The following CFTR variants were observed in gnomAD, a reference collection of about 807,000 sequenced individuals.
CFTR encodes the protein cystic fibrosis transmembrane conductance regulator.
CFTR carries 181 observed loss-of-function variants against 171.6 expected under a neutral mutation model. The observed-to-expected ratio is 1.05, with a 90% CI of 0.93 to 1.19. The LOEUF is 1.19. Ranked by LOEUF, CFTR falls within the 50% of genes most tolerant of loss-of-function variation. The pLI is 0.00. For missense variants in CFTR, 1,968 were observed against 1,734.7 expected (o/e 1.13, Z -2.39); for synonymous variants, 583 against 608.0 (o/e 0.96, Z 0.60).
intron 10 of CFTR, among the ~76,000 whole-genome samples, chr7:117,549,776 A>T (rs1175973181): frequency 6.6e-6 from 1 of 152,164 alleles, no homozygotes; most frequent in African/African-American, 2.4e-5. Context: ...CGAATAATCT[A>T]AGACAAACAG....
At chr7:117,608,256 G>A (rs1792331983) in intron 18 of CFTR, among the ~76,000 whole-genome samples, 1 of 151,958 alleles carries the variant, frequency 6.6e-6, no homozygotes, top group Non-Finnish European at 1.5e-5. Context: ...CCAGGCTGGA[G>A]TGCAGTGATG....
At chr7:117,603,426 C>A in intron 16 of CFTR, 106 bp from the exon 17 acceptor site, 1 of 1,303,592 alleles carries the variant, frequency 7.7e-7, no homozygotes, top group Non-Finnish European at 1.1e-6. Context: ...TCTTCTAATG[C>A]AAAATATTGT....
intron 9 of CFTR, among the ~76,000 whole-genome samples, chr7:117,547,679 T>C (rs1380956027): frequency 6.6e-6 from 1 of 152,178 alleles, no homozygotes; most frequent in Non-Finnish European, 1.5e-5. Context: ...TTTGCTTTTA[T>C]GGGAGCCTCT....
At position 117,509,204 on chromosome 7, in the gene CFTR, G is replaced by T. The variant is rs943583372; in HGVS notation, c.273+62G>T. The T allele has an allele frequency of 1.6e-5, 17 of 1,040,808 alleles. No individual in the cohort carries two copies. The South Asian group carries it at 2.0e-4, about 12-fold the overall frequency. 64.5% of individuals were successfully genotyped at this position (1,040,808 alleles called of 1,614,324 possible). A position where few individuals can be genotyped will look rare whatever the true frequency, so the allele number is the denominator to read the frequency against. ...TAACTATATTCATTTTTGTGATTAT[G>T]AAAAGACTACGAAATCTGGTGAATA... On this transcript the variant is annotated intron_variant, in intron 3 of 26. Transcript: ENST00000003084.
At position 117,627,617 on chromosome 7, in the gene CFTR, G is replaced by A. The variant is rs146804928; in HGVS notation, c.3564G>A (p.Ser1188=). 4.3e-5 allele frequency: 70 copies of A among 1,613,414 alleles called. 1 individual carries two copies. Among genetic ancestry groups the A allele is most frequent in the East Asian group, 3.8e-4 (17 of 44,818 alleles). The change falls in exon 22 of 27, where the codon TCG becomes TCA. Residue 1188 remains serine, a synonymous_variant. Coordinates refer to ENST00000003084, the MANE Select transcript of CFTR (RefSeq NM_000492.4). The part of the protein sequence containing the change: ...STKPYKNGQL[S]KVMIIENSHV... The stretch of plus-strand genomic sequence containing the variant: ...AACCATACAAGAATGGCCAACTCTC[G>A]AAAGTTATGATTATTGAGAATTCAC...
rs190803600 is a variant in CFTR, at chr7:117,517,245, C to T, written c.273+8103C>T. Among the ~76,000 whole-genome samples the T allele has an allele frequency of 1.3e-3, 194 of 150,828 alleles. 1 individual carries two copies. The Middle Eastern group carries it at 0.014, about 11-fold the overall frequency. ...CTCACAGGCCCCTGTGTGTGATGTTCCCCTCCCTGTGTCCATGTGTTCTCA... is the reference window on the plus strand; with the variant it reads ...CTCACAGGCCCCTGTGTGTGATGTTTCCCTCCCTGTGTCCATGTGTTCTCA... On this transcript the variant is annotated intron_variant, in intron 3 of 26. Coordinates refer to ENST00000003084, the MANE Select transcript of CFTR (RefSeq NM_000492.4).
intron 23 of CFTR, chr7:117,647,362 C>T (rs1562924580): frequency 6.6e-6 from 1 of 152,118 alleles, no homozygotes; most frequent in Non-Finnish European, 1.5e-5. Flanking sequence ...GTTCTTCAGG[C>T]TGTACGGGAA....
chr7:117,542,904 T>A (rs902416945), intron 9 of CFTR, among the ~76,000 whole-genome samples: 1 of 152,222 alleles, frequency 6.6e-6, no homozygotes, highest in African/African-American at 2.4e-5. Flanking sequence ...CTTCTCTGAT[T>A]GCAAGTTCCA....
intron 7 of CFTR, among the ~76,000 whole-genome samples, chr7:117,538,110 A>G (rs1798987712): frequency 6.6e-6 from 1 of 152,188 alleles, no homozygotes; most frequent in African/African-American, 2.4e-5. Context: ...TAACCTGTAT[A>G]ATCTGGCATG....
At chr7:117,610,813 A>T (rs989046500) in intron 19 of CFTR, 144 bp downstream of exon 19, 18 of 774,588 alleles carry the variant, frequency 2.3e-5, no homozygotes, top group Admixed American at 5.5e-5. Context: ...ATGCATGTGT[A>T]TATAAAAGGA....
Position 117,665,575 on chromosome 7 carries a change from A to C in CFTR, c.4242+11A>C. The C allele has an allele frequency of 6.6e-7, 1 of 1,520,986 alleles. No homozygotes were observed. The highest frequency in any genetic ancestry group is 9.1e-7 in the Non-Finnish European group (1 of 1,095,634). The allele number at this position is 1,520,986 out of a possible 1,614,324, so 94.2% of individuals were successfully genotyped here. A position where few individuals can be genotyped will look rare whatever the true frequency, so the allele number is the denominator to read the frequency against. The stretch of plus-strand genomic sequence containing the variant: ...TGCCAACAATTTTTGGTGAGTCTTT[A>C]TAACTTTACTTAAGATCTCATTGCC... On this transcript the variant is annotated intron_variant, in intron 26 of 26. Coordinates refer to ENST00000003084, the MANE Select transcript of CFTR (RefSeq NM_000492.4).
chr7:117,590,482 TAAAA>T, intron 13 of CFTR, 43 bp downstream of exon 13: 1 of 1,576,388 alleles, frequency 6.3e-7, no homozygotes. Context: ...CATGCTAAAA[TAAAA>T]GAAAGACAGA....
Position 117,574,570 on chromosome 7 carries a change from C to T in CFTR, c.1585-13169C>T, listed in dbSNP as rs576623162. Among the ~76,000 whole-genome samples the T allele has an allele frequency of 2.8e-3, 420 of 152,164 alleles. 3 individuals carry two copies. The highest frequency in any genetic ancestry group is 9.9e-3 in the African/African-American group (410 of 41,546). On this transcript the variant is annotated intron_variant, in intron 11 of 26. Transcript: ENST00000003084. Reference sequence around the variant, plus strand: ...TTTTAAAGGTAATCTGTATTTCTAGCGTCTATTATAGACAGAAAACTTTCA... The same window carrying T: ...TTTTAAAGGTAATCTGTATTTCTAGTGTCTATTATAGACAGAAAACTTTCA...
At chr7:117,606,933 G>A (rs545097887) in intron 18 of CFTR, among the ~76,000 whole-genome samples, 180 bp downstream of exon 18, 1 of 152,076 alleles carries the variant, frequency 6.6e-6, no homozygotes, top group African/African-American at 2.4e-5. Context: ...TCAATAATAA[G>A]TCAGAACTGC....
chr7:117,592,513 C>T lies in CFTR; in HGVS notation c.2346C>T (p.Asn782=), dbSNP rs397508369. ...LMTHSVNQGQ[N]IHRKTTASTR... ...CACACTCAGTTAACCAAGGTCAGAA[C>T]ATTCACCGAAAGACAACAGCATCCA... The change falls in exon 14 of 27, where the codon AAC becomes AAT. Residue 782 remains asparagine (N), a synonymous_variant. Coordinates refer to ENST00000003084, the MANE Select transcript of CFTR (RefSeq NM_000492.4). 1 of 1,531,304 alleles carries T rather than the reference C, an allele frequency of 6.5e-7. No individual in the cohort carries two copies. Among genetic ancestry groups the T allele is most frequent in the African/African-American group, 1.4e-5 (1 of 72,070 alleles). 94.9% of individuals were successfully genotyped at this position (1,531,304 alleles called of 1,614,324 possible).
intron 1 of CFTR, among the ~76,000 whole-genome samples, chr7:117,480,649 C>T (rs955742758): frequency 1.3e-4 from 19 of 151,910 alleles, no homozygotes; most frequent in African/African-American, 4.6e-4. Context: ...TGTTATGAGA[C>T]TGGATATATC....
In CFTR at chr7:117,623,528, G is replaced by A. The variant is rs1209957153; in HGVS notation, c.3469-3994G>A. Among the ~76,000 whole-genome samples the A allele has an allele frequency of 2.0e-5, 3 of 152,178 alleles. No homozygotes were observed. The East Asian group carries it at 5.8e-4, about 29-fold the overall frequency. On this transcript the variant is annotated intron_variant, in intron 21 of 26. Coordinates refer to ENST00000003084, the MANE Select transcript of CFTR (RefSeq NM_000492.4). ...AATGTTTAATAGGCACTCTAAATGA[G>A]AGAAAAGGTTAAGTGAGGTTAAAAG...
intron 19 of CFTR, among the ~76,000 whole-genome samples, chr7:117,611,122 G>A (rs1792378813): frequency 6.6e-6 from 1 of 152,010 alleles, no homozygotes; most frequent in Admixed American, 6.6e-5. Flanking sequence ...GAGCTGTTAG[G>A]GAATCACATT....
intron 9 of CFTR, among the ~76,000 whole-genome samples, chr7:117,542,556 A>T (rs1799073964): frequency 6.6e-6 from 1 of 152,200 alleles, no homozygotes; most frequent in Non-Finnish European, 1.5e-5. Flanking sequence ...GAAAAAGAAA[A>T]AAAAATAAAA....
Sources: gnomAD v4.1 joint callset for allele counts (sites outside exome capture counted in the v4.1 genomes callset) on GRCh38, gnomAD v4.1.1 for gene constraint, MANE v1.5 for transcripts, NCBI Gene and HGNC (gene_info 2026-07-23, HGNC 2026-07-21) for gene names.